Variants in SLC39A9 observed in about 807,000 individuals in gnomAD.
The protein encoded by SLC39A9 is zinc transporter ZIP9.
In SLC39A9, 14 loss-of-function variants were observed where a neutral mutation model predicts 28.4. That is an observed-to-expected ratio of 0.49 (90% CI 0.33 to 0.77). SLC39A9 has a LOEUF of 0.77. SLC39A9 is among the 30% of genes least tolerant of loss of function. The pLI is 0.02. For synonymous variants in SLC39A9, 119 were observed against 149.6 expected (o/e 0.80, Z 1.49); for missense variants, 283 against 381.1 (o/e 0.74, Z 2.14).
intron 2 of SLC39A9, chr14:69,441,824 C>T (rs916850788): frequency 2.7e-5 from 33 of 1,203,870 alleles, no homozygotes; most frequent in Non-Finnish European, 3.3e-5. Context: ...TTTGCTTCCA[C>T]TTCCCAGGTG....
chr14:69,416,920 T>C (rs1430538155), intron 1 of SLC39A9, among the ~76,000 whole-genome samples: 1 of 152,244 alleles, frequency 6.6e-6, no homozygotes, highest in Non-Finnish European at 1.5e-5. Context: ...CTTCTGTAGG[T>C]TGCCTGTTCA....
chr14:69,438,239 TTGAACAACTGACCTTAGG>T (rs1289229114), intron 2 of SLC39A9, among the ~76,000 whole-genome samples: 1 of 152,174 alleles, frequency 6.6e-6, no homozygotes, highest in Non-Finnish European at 1.5e-5. Flanking sequence ...CAGGCTGGTC[TTGAACAACTGACCTTAGG>T]TGATCCACCT....
At chr14:69,456,658 C>T (rs1885879981) in intron 6 of SLC39A9, among the ~76,000 whole-genome samples, 2 of 152,190 alleles carry the variant, frequency 1.3e-5, no homozygotes, top group Non-Finnish European at 2.9e-5. Flanking sequence ...CCGCATTTTA[C>T]CCAGATGTCA....
intron 1 of SLC39A9, among the ~76,000 whole-genome samples, chr14:69,418,820 T>C (rs1883720588): frequency 6.6e-6 from 1 of 152,202 alleles, no homozygotes; most frequent in Non-Finnish European, 1.5e-5. Flanking sequence ...TATTCTCTGA[T>C]GGTAGTTTGT....
At chr14:69,431,391 C>G (rs1330278507) in intron 2 of SLC39A9, among the ~76,000 whole-genome samples, 1 of 150,054 alleles carries the variant, frequency 6.7e-6, no homozygotes, top group Non-Finnish European at 1.5e-5. Flanking sequence ...TTAACCTTTT[C>G]CTTTCCTATC....
chr14:69,404,763 A>G (rs902379557), intron 1 of SLC39A9, among the ~76,000 whole-genome samples: 1 of 151,358 alleles, frequency 6.6e-6, no homozygotes, highest in Non-Finnish European at 1.5e-5. Context: ...GCTTTATACT[A>G]TTTTTCTTAG....
In SLC39A9 at chr14:69,460,091, G is replaced by A. The variant is rs984012871; in HGVS notation, c.*1498G>A. ...TTGTAAACCCTGTCTTGTCAAATAA[G>A]TGTATAATATTGTATTATTAATTTA... On this transcript the variant is annotated 3_prime_UTR_variant, in exon 7 of 7. Transcript: ENST00000336643. 8.2e-6 allele frequency: 8 copies of A among 979,086 alleles called. No individual in the cohort carries two copies. In the African/African-American group the frequency reaches 1.4e-4, roughly 17 times the overall value. 60.6% of individuals were successfully genotyped at this position (979,086 alleles called of 1,614,324 possible). A position where few individuals can be genotyped will look rare whatever the true frequency, so the allele number is the denominator to read the frequency against.
chr14:69,448,493 A>G (rs1885452173), intron 3 of SLC39A9, among the ~76,000 whole-genome samples: 1 of 152,190 alleles, frequency 6.6e-6, no homozygotes, highest in Non-Finnish European at 1.5e-5. Context: ...ATAACATTTC[A>G]TCCAAGAACC....
chr14:69,434,575 G>A (rs571903726), intron 2 of SLC39A9, among the ~76,000 whole-genome samples: 1 of 151,990 alleles, frequency 6.6e-6, no homozygotes, highest in African/African-American at 2.4e-5. Flanking sequence ...AATTAGGTGG[G>A]CGCAGTGACA....
chr14:69,458,531 G>A lies in SLC39A9; in HGVS notation c.862G>A (p.Val288Met). The A allele has an allele frequency of 6.2e-7, 1 of 1,614,214 alleles. No individual in the cohort carries two copies. The highest frequency in any genetic ancestry group is 8.5e-7 in the Non-Finnish European group (1 of 1,180,022). Residue 288 changes from valine to methionine, a missense_variant, in exon 7 of 7, where the codon GTG becomes ATG. Val to Met is a conservative substitution (Grantham distance 21). Transcript: ENST00000336643. ...TGGRGLSRLE[V>M]AALVLGCLIP... is the part of the protein sequence containing the mutation. ...AGGGAGAGGCCTCAGCCGCCTGGAA[G>A]TGGCAGCCCTGGTTCTGGGTTGCCT...
At chr14:69,402,691 A>G (rs1447250006) in intron 1 of SLC39A9, among the ~76,000 whole-genome samples, 1 of 152,126 alleles carries the variant, frequency 6.6e-6, no homozygotes, top group Non-Finnish European at 1.5e-5. Context: ...AAAACAAAGG[A>G]AAAAAAATCC....
intron 3 of SLC39A9, among the ~76,000 whole-genome samples, chr14:69,452,497 T>C (rs1885656068): frequency 6.6e-6 from 1 of 151,890 alleles, no homozygotes; most frequent in Non-Finnish European, 1.5e-5. Context: ...CTCAGCTAAT[T>C]TTTATATTTT....
intron 6 of SLC39A9, among the ~76,000 whole-genome samples, chr14:69,457,965 T>C (rs1362250692): frequency 1.3e-5 from 2 of 152,210 alleles, no homozygotes; most frequent in Non-Finnish European, 2.9e-5. Context: ...AGTTTAATAA[T>C]AGTGTGTGGT....
intron 1 of SLC39A9, among the ~76,000 whole-genome samples, chr14:69,422,323 T>C (rs958469366): frequency 6.6e-6 from 1 of 152,180 alleles, no homozygotes; most frequent in African/African-American, 2.4e-5. Flanking sequence ...AGTGAGATCA[T>C]AGCTCACTAT....
At chr14:69,399,540 C>G (rs1882502249) in intron 1 of SLC39A9, 75 bp downstream of exon 1, 2 of 1,168,048 alleles carry the variant, frequency 1.7e-6, no homozygotes, top group Non-Finnish European at 2.5e-6. Flanking sequence ...AGGGAAGCTG[C>G]TTCCCTAGTT....
At chr14:69,446,042 T>C (rs1885284380) in intron 3 of SLC39A9, among the ~76,000 whole-genome samples, 1 of 151,944 alleles carries the variant, frequency 6.6e-6, no homozygotes, top group African/African-American at 2.4e-5. Flanking sequence ...TTGTTGTTGT[T>C]GTTGTTTGTA....
chr14:69,409,317 T>G (rs576305214), intron 1 of SLC39A9, among the ~76,000 whole-genome samples: 32 of 152,332 alleles, frequency 2.1e-4, no homozygotes, highest in African/African-American at 7.7e-4. Context: ...CCTTTATTCT[T>G]AAAAACTTGT....
At chr14:69,439,357 G>GAAAAT (rs960317636) in intron 2 of SLC39A9, among the ~76,000 whole-genome samples, 5 of 151,778 alleles carry the variant, frequency 3.3e-5, no homozygotes, top group African/African-American at 1.2e-4. Context: ...AATAGCATCA[G>GAAAAT]AAAATAAAAT....
chr14:69,436,780 A>G (rs530397195), intron 2 of SLC39A9, among the ~76,000 whole-genome samples: 2 of 152,298 alleles, frequency 1.3e-5, no homozygotes, highest in Admixed American at 6.5e-5. Context: ...CTCTGTCAAG[A>G]AAGACAAGGT....
Sources: allele counts gnomAD v4.1 joint callset (sites outside exome capture counted in the v4.1 genomes callset), GRCh38; gene constraint gnomAD v4.1.1; transcripts MANE v1.5; gene names NCBI Gene and HGNC (gene_info 2026-07-23, HGNC 2026-07-21).